The following SPEF2 variants were observed in gnomAD, a reference collection of about 807,000 sequenced individuals.
SPEF2 encodes the protein sperm flagellar and cilia associated 2.
Under a neutral mutation model 224.6 loss-of-function variants are expected in SPEF2, and 187 were observed. The observed-to-expected ratio is 0.83, with a 90% CI of 0.74 to 0.94. The LOEUF (loss-of-function observed/expected upper bound fraction) is 0.94. SPEF2 is among the 40% of genes least tolerant of loss of function. The pLI, the probability that SPEF2 is intolerant of heterozygous loss-of-function variation, is 0.00. For missense variants in SPEF2, 2,170 were observed against 2,135.6 expected (o/e 1.02, Z -0.32); for synonymous variants, 715 against 707.3 (o/e 1.01, Z -0.17).
At chr5:35,728,139 C>A (rs185301208) in intron 21 of SPEF2, among the ~76,000 whole-genome samples, 1 of 152,158 alleles carries the variant, frequency 6.6e-6, no homozygotes, top group South Asian at 2.1e-4. Flanking sequence ...AACACATATC[C>A]AGCAAATTTC....
chr5:35,683,467 A>T (rs1288675572), intron 10 of SPEF2, among the ~76,000 whole-genome samples: 2 of 152,146 alleles, frequency 1.3e-5, no homozygotes, highest in Non-Finnish European at 2.9e-5. Context: ...TCTACTAAAA[A>T]TCCAAAAATT....
rs75633386 is a variant in SPEF2, at chr5:35,640,030, T to C, written c.162-1401T>C. On this transcript the variant is annotated intron_variant, in intron 2 of 36. Transcript: ENST00000356031. The stretch of plus-strand genomic sequence containing the variant: ...AAAGAGAAGTATTGTTAGACCTGTG[T>C]ACTTTGGCCAGTTCATAAAATACAT... Among the ~76,000 whole-genome samples, 1,472 of 152,302 alleles carry C rather than the reference T, an allele frequency of 9.7e-3. 22 individuals carry two copies. Among genetic ancestry groups the C allele is most frequent in the African/African-American group, 0.034 (1,426 of 41,552 alleles).
intron 21 of SPEF2, among the ~76,000 whole-genome samples, chr5:35,728,048 G>GA (rs1744977927): frequency 6.6e-6 from 1 of 151,960 alleles, no homozygotes; most frequent in Non-Finnish European, 1.5e-5. Context: ...AAAATGGGGG[G>GA]AACAAATGGG....
chr5:35,700,667 A>G lies in SPEF2; in HGVS notation c.2313A>G (p.Ile771Met). ...TTGATCCTGCGACTTCCAAAGAAAT[A>G]CCTCTTCCCTCTCCTGCATTTGATT... ...LAIDPATSKEIPLPSPAFDFV... is the reference protein window; with the variant it reads ...LAIDPATSKEMPLPSPAFDFV... The change falls in exon 16 of 37, where the codon ATA (isoleucine) becomes ATG (methionine). Residue 771 changes from isoleucine to methionine, a missense_variant. Physicochemically the swap from Ile to Met is conservative, Grantham distance 10 (BLOSUM62 1). Coordinates refer to ENST00000356031, the MANE Select transcript of SPEF2 (RefSeq NM_024867.4). 6.2e-7 allele frequency: 1 copy of G among 1,613,924 alleles called. No homozygotes were observed. Among genetic ancestry groups the G allele is most frequent in the Non-Finnish European group, 8.5e-7 (1 of 1,179,932 alleles).
At chr5:35,687,830 G>T (rs1753862171) in intron 10 of SPEF2, among the ~76,000 whole-genome samples, 2 of 152,088 alleles carry the variant, frequency 1.3e-5, no homozygotes, top group African/African-American at 4.8e-5. Flanking sequence ...TTTCTTAATA[G>T]TCAAATTTTG....
chr5:35,642,197 T>C (rs1275251340), intron 3 of SPEF2, among the ~76,000 whole-genome samples: 2 of 152,210 alleles, frequency 1.3e-5, no homozygotes, highest in African/African-American at 2.4e-5. Context: ...TAAATTTTAC[T>C]TTTATTGAGT....
intron 18 of SPEF2, 41 bp from the exon 19 acceptor site, chr5:35,708,907 A>C: frequency 1.1e-5 from 17 of 1,522,118 alleles, no homozygotes; most frequent in African/African-American, 4.2e-5. Context: ...GTAGATTTCT[A>C]GAGTCTCTAA....
chr5:35,786,622 T>C (rs763692342), intron 30 of SPEF2, among the ~76,000 whole-genome samples: 2 of 152,036 alleles, frequency 1.3e-5, no homozygotes, highest in Middle Eastern at 3.4e-3. Context: ...ATCGTGCCAC[T>C]GGACTCCAGC....
chr5:35,642,300 A>T (rs1746718940), intron 3 of SPEF2, among the ~76,000 whole-genome samples: 1 of 152,076 alleles, frequency 6.6e-6, no homozygotes, highest in South Asian at 2.1e-4. Flanking sequence ...CTTAAATATG[A>T]CTGTCTATTC....
chr5:35,799,066 C>A (rs1395902302), intron 33 of SPEF2, among the ~76,000 whole-genome samples: 1 of 152,222 alleles, frequency 6.6e-6, no homozygotes, highest in Non-Finnish European at 1.5e-5. Flanking sequence ...TAGGAACTTG[C>A]TTCTCAAAGT....
At chr5:35,630,071 T>C (rs1400362496) in intron 2 of SPEF2, among the ~76,000 whole-genome samples, 1 of 152,182 alleles carries the variant, frequency 6.6e-6, no homozygotes, top group Non-Finnish European at 1.5e-5. Context: ...CTCCTTTGAC[T>C]CCATGTCTCA....
In SPEF2 at chr5:35,772,326, A is replaced by C. The variant is rs117828299; in HGVS notation, c.3949+570A>C. Among the ~76,000 whole-genome samples, 90 of 152,318 alleles carry C rather than the reference A, an allele frequency of 5.9e-4. 2 individuals are homozygous for C. In the East Asian group the frequency reaches 0.015, roughly 25 times the overall value. On this transcript the variant is annotated intron_variant, in intron 27 of 36. Coordinates refer to ENST00000356031, the MANE Select transcript of SPEF2 (RefSeq NM_024867.4). The stretch of plus-strand genomic sequence containing the variant: ...CAAATGAGCAGAACTCACTCCACTC[A>C]TAGATTGTCTGTGATATGTTTATTA...
intron 21 of SPEF2, among the ~76,000 whole-genome samples, chr5:35,733,395 A>G (rs1198299149): frequency 3.3e-5 from 5 of 152,188 alleles, no homozygotes; most frequent in African/African-American, 1.2e-4. Flanking sequence ...ATTACAACAC[A>G]GTTTTGTAGT....
chr5:35,628,817 C>A (rs2149370806), intron 2 of SPEF2, among the ~76,000 whole-genome samples: 1 of 152,090 alleles, frequency 6.6e-6, no homozygotes, highest in South Asian at 2.1e-4. Flanking sequence ...GTCTTGAACT[C>A]CTGGGCTCAA....
chr5:35,775,237 C>A (rs1753441434), intron 28 of SPEF2, among the ~76,000 whole-genome samples: 1 of 150,372 alleles, frequency 6.7e-6, no homozygotes, highest in South Asian at 2.1e-4. Context: ...CCAGCCTGGG[C>A]AACATAGTGA....
chr5:35,635,863 A>G (rs897920798), intron 2 of SPEF2, among the ~76,000 whole-genome samples: 3 of 152,194 alleles, frequency 2.0e-5, no homozygotes, highest in Non-Finnish European at 4.4e-5. Flanking sequence ...CTAAACAGGA[A>G]TAGGGTTTAT....
chr5:35,766,198 A>T (rs996228262), intron 26 of SPEF2, among the ~76,000 whole-genome samples: 2 of 152,006 alleles, frequency 1.3e-5, no homozygotes, highest in African/African-American at 4.8e-5. Context: ...AATTTTGTGG[A>T]AGTTGGGATT....
chr5:35,685,152 T>C (rs1753404103), intron 10 of SPEF2, among the ~76,000 whole-genome samples: 1 of 152,174 alleles, frequency 6.6e-6, no homozygotes, highest in African/African-American at 2.4e-5. Flanking sequence ...TTTTTATAAA[T>C]ACAGGGTAGT....
rs10077729 is a variant in SPEF2 at position 35,636,400 on chromosome 5, A to G, written c.162-5031A>G. Among the ~76,000 whole-genome samples the G allele has an allele frequency of 7.0e-4, 107 of 152,208 alleles. 1 individual carries two copies. Among genetic ancestry groups the G allele is most frequent in the African/African-American group, 2.4e-3 (99 of 41,546 alleles). On this transcript the variant is annotated intron_variant, in intron 2 of 36. Transcript: ENST00000356031. Reference sequence around the variant, plus strand: ...AAAGGTGAGAGATTTGGACCTCCTCATGTCTTTCCTAGGCATCCATACATT... The same window carrying G: ...AAAGGTGAGAGATTTGGACCTCCTCGTGTCTTTCCTAGGCATCCATACATT...
Sources: allele counts gnomAD v4.1 joint callset (sites outside exome capture counted in the v4.1 genomes callset), GRCh38; gene constraint gnomAD v4.1.1; transcripts MANE v1.5; gene names NCBI Gene and HGNC (gene_info 2026-07-23, HGNC 2026-07-21).